PRTG: variants seen among roughly 807,000 people sequenced by gnomAD.
PRTG encodes immunoglobulin superfamily, DCC subclass, member 5.
In PRTG, 67 loss-of-function variants were observed where a neutral mutation model predicts 122.5. The ratio of observed to expected loss-of-function variants is 0.55; its 90% CI spans 0.45 to 0.67. The LOEUF is 0.67. Ranked by LOEUF, PRTG falls within the 30% of genes least tolerant of loss-of-function variation. The probability of loss-of-function intolerance (pLI) is 0.00; values close to 1 mark genes in which losing one functional copy is unlikely to be tolerated. For missense variants in PRTG, 1,435 were observed against 1,415.4 expected (o/e 1.01, Z -0.22); for synonymous variants, 554 against 501.1 (o/e 1.11, Z -1.41).
At chr15:55,738,002 C>CTCTCTATATATA (rs1248440584) in intron 2 of PRTG, among the ~76,000 whole-genome samples, 2 of 96,680 alleles carry the variant, frequency 2.1e-5, no homozygotes, top group East Asian at 6.4e-4. Flanking sequence ...CTCTCTCTCT[C>CTCTCTATATATA]TATATATATA....
chr15:55,636,011 G>A (rs1279779838), intron 15 of PRTG, among the ~76,000 whole-genome samples: 1 of 151,814 alleles, frequency 6.6e-6, no homozygotes, highest in Non-Finnish European at 1.5e-5. Flanking sequence ...CTAAAATCTG[G>A]CAAATGTGAC....
chr15:55,736,141 C>G (rs1309745045), intron 2 of PRTG, among the ~76,000 whole-genome samples: 1 of 152,086 alleles, frequency 6.6e-6, no homozygotes, highest in Non-Finnish European at 1.5e-5. Flanking sequence ...AATCAAATGA[C>G]TTTTACTCAT....
intron 2 of PRTG, among the ~76,000 whole-genome samples, chr15:55,716,996 G>A (rs2433761): frequency 0.97 from 148,452 of 152,274 alleles, 72,483 homozygotes; most frequent in East Asian, 1. Context: ...AGCTATGGTA[G>A]AAGCAGTGGC....
At position 55,629,393 on chromosome 15, in the gene PRTG, G is replaced by T. The variant is rs932447298; in HGVS notation, c.2624-389C>A. 3.6e-3 allele frequency among the ~76,000 whole-genome samples: 389 copies of T among 108,852 alleles called. 10 individuals are homozygous for T. In the East Asian group the frequency reaches 0.039, roughly 11 times the overall value. The allele number at this position is 108,852 out of a possible 152,430, so 71.4% of individuals were successfully genotyped here. A position where few individuals can be genotyped will look rare whatever the true frequency, so the allele number is the denominator to read the frequency against. ...TATATATATGTGTGTGTGTGTGTGT[G>T]TGTGTGTGTGTGTGTGTGTGTGTGT... On this transcript the variant is annotated intron_variant, in intron 15 of 19. Coordinates refer to ENST00000389286, the MANE Select transcript of PRTG (RefSeq NM_173814.6).
chr15:55,628,049 G>A (rs1371007637), intron 16 of PRTG, among the ~76,000 whole-genome samples: 1 of 152,094 alleles, frequency 6.6e-6, no homozygotes, highest in African/African-American at 2.4e-5. Context: ...GGCTACGATG[G>A]CTACCTCCTT....
In PRTG at chr15:55,668,349, GA is replaced by G. The variant is rs2059449790; in HGVS notation, c.2041+4095del. Among the ~76,000 whole-genome samples the G allele has an allele frequency of 2.0e-5, 3 of 152,224 alleles. No individual in the cohort carries two copies. In the South Asian group the frequency reaches 6.2e-4, roughly 32 times the overall value. On this transcript the variant is annotated intron_variant, in intron 11 of 19. Transcript: ENST00000389286. ...TTCAGAACAGTTTTTGACAGCTTGT[GA>G]AAACAGTTCCTTTGTAATTATAAGC...
At chr15:55,634,480 T>G (rs145640495) in intron 15 of PRTG, among the ~76,000 whole-genome samples, 141 of 152,290 alleles carry the variant, frequency 9.3e-4, no homozygotes, top group Middle Eastern at 3.4e-3. Flanking sequence ...AGGTTAGTTA[T>G]TTGGTTAAGT....
chr15:55,657,167 AT>A (rs1259576999), intron 11 of PRTG, among the ~76,000 whole-genome samples: 2 of 152,204 alleles, frequency 1.3e-5, no homozygotes, highest in African/African-American at 4.8e-5. Context: ...ATTTCTCAGA[AT>A]AGAGATATGC....
intron 2 of PRTG, among the ~76,000 whole-genome samples, chr15:55,687,330 G>T (rs962697477): frequency 6.6e-6 from 1 of 151,886 alleles, no homozygotes; most frequent in African/African-American, 2.4e-5. Flanking sequence ...CATACCAAAG[G>T]ATTTTTATAA....
Position 55,683,674 on chromosome 15 carries a change from T to C in PRTG, c.542+113A>G. ...AGTTTGAAATGTCTTAAGCAATCAG[T>C]TATTACTGCCCTAAATAAAAATGAG... On this transcript the variant is annotated intron_variant, in intron 3 of 19. Coordinates refer to ENST00000389286, the MANE Select transcript of PRTG (RefSeq NM_173814.6). The C allele has an allele frequency of 5.0e-6, 4 of 794,284 alleles. No individual in the cohort carries two copies. In the South Asian group the frequency reaches 6.4e-5, roughly 13 times the overall value. The allele number at this position is 794,284 out of a possible 1,614,324, so 49.2% of individuals were successfully genotyped here.
Position 55,619,822 on chromosome 15 carries a change from C to A in PRTG, c.*190G>T. 3.3e-6 allele frequency: 3 copies of A among 915,678 alleles called. No individual in the cohort carries two copies. The highest frequency in any genetic ancestry group is 4.8e-6 in the Non-Finnish European group (3 of 631,398). The allele number at this position is 915,678 out of a possible 1,614,324, so 56.7% of individuals were successfully genotyped here. Reference sequence around the variant, plus strand: ...CTTTGGTTCCCTGTTCATTGTCCTTCGAACAGATTTAATGGTGAGAATACC... The same window carrying A: ...CTTTGGTTCCCTGTTCATTGTCCTTAGAACAGATTTAATGGTGAGAATACC... On this transcript the variant is annotated 3_prime_UTR_variant, in exon 20 of 20. Coordinates refer to ENST00000389286, the MANE Select transcript of PRTG (RefSeq NM_173814.6).
At position 55,743,147 on chromosome 15, in the gene PRTG, C is replaced by CG. The variant is rs2141903329; in HGVS notation, c.-217dup. 1 of 1,242,036 alleles carries CG rather than the reference C, an allele frequency of 8.1e-7. No homozygotes were observed. Among genetic ancestry groups the CG allele is most frequent in the South Asian group, 3.3e-5 (1 of 30,502 alleles). 76.9% of individuals were successfully genotyped at this position (1,242,036 alleles called of 1,614,324 possible). On this transcript the variant is annotated 5_prime_UTR_variant, in exon 1 of 20. Transcript: ENST00000389286. ...AGGGGCCTGAGAGTCCGGCTGGGGG[C>CG]GGAGTGAGGCGGCGGCTGCAGAGGG...
intron 11 of PRTG, among the ~76,000 whole-genome samples, chr15:55,651,523 CTGAT>C (rs1379618467): frequency 4.6e-5 from 7 of 152,052 alleles, no homozygotes; most frequent in Non-Finnish European, 8.8e-5. Flanking sequence ...TAAGTACTGC[CTGAT>C]TGAAGATGAA....
intron 11 of PRTG, among the ~76,000 whole-genome samples, chr15:55,656,933 G>T (rs1263846189): frequency 6.6e-6 from 1 of 152,226 alleles, no homozygotes; most frequent in Non-Finnish European, 1.5e-5. Flanking sequence ...AGAGATACCA[G>T]CAAGCTGTCA....
At chr15:55,636,512 C>T (rs142864241) in intron 15 of PRTG, among the ~76,000 whole-genome samples, 19 of 152,100 alleles carry the variant, frequency 1.2e-4, no homozygotes, top group Non-Finnish European at 1.9e-4. Flanking sequence ...CAAATACCGG[C>T]CAACCATCCT....
chr15:55,662,754 A>G (rs1372298139), intron 11 of PRTG, among the ~76,000 whole-genome samples: 3 of 152,200 alleles, frequency 2.0e-5, no homozygotes, highest in Non-Finnish European at 4.4e-5. Flanking sequence ...TTTGCTGGAT[A>G]TGCCTCTCTT....
At chr15:55,649,088 CAA>C (rs11481493) in intron 11 of PRTG, among the ~76,000 whole-genome samples, 2 of 136,394 alleles carry the variant, frequency 1.5e-5, no homozygotes, top group African/African-American at 2.8e-5. Context: ...GACTCCGTCT[CAA>C]AAAAAAAAAG....
rs1357377827 is a variant in PRTG at position 55,629,015 on chromosome 15, A to G, written c.2624-11T>C. ...CCATGGTTATTGCCCCTAGAAATAC[A>G]TCAATTACAAATTAAGTGAACATTT... On this transcript the variant is annotated splice_polypyrimidine_tract_variant and intron_variant, in intron 15 of 19. Coordinates refer to ENST00000389286, the MANE Select transcript of PRTG (RefSeq NM_173814.6). The G allele has an allele frequency of 6.4e-7, 1 of 1,565,880 alleles. No individual in the cohort carries two copies. The highest frequency in any genetic ancestry group is 1.8e-5 in the Admixed American group (1 of 56,952).
chr15:55,694,281 A>G (rs928349619), intron 2 of PRTG, among the ~76,000 whole-genome samples: 13 of 152,208 alleles, frequency 8.5e-5, no homozygotes, highest in Admixed American at 2.0e-4. Context: ...TTCATAAAGT[A>G]TATATGCCGC....
Sources: gnomAD v4.1 joint callset for allele counts (sites outside exome capture counted in the v4.1 genomes callset) on GRCh38, gnomAD v4.1.1 for gene constraint, MANE v1.5 for transcripts, NCBI Gene and HGNC (gene_info 2026-07-23, HGNC 2026-07-21) for gene names.